The following TECTA variants were observed in gnomAD, a reference collection of about 807,000 sequenced individuals.
TECTA encodes tectorin alpha, also known as alpha-tectorin.
In TECTA, 128 loss-of-function variants were observed where a neutral mutation model predicts 216.8. The observed-to-expected ratio is 0.59, with a 90% CI of 0.51 to 0.68. TECTA has a LOEUF of 0.68. TECTA is among the 30% of genes least tolerant of loss of function. The pLI is 0.00. For missense variants in TECTA, 2,551 were observed against 2,786.2 expected (o/e 0.92, Z 1.90); for synonymous variants, 1,089 against 1,117.1 (o/e 0.97, Z 0.50).
intron 9 of TECTA, 44 bp from the exon 10 acceptor site, chr11:121,129,594 C>A: frequency 6.3e-7 from 1 of 1,592,190 alleles, no homozygotes; most frequent in Non-Finnish European, 8.6e-7. Flanking sequence ...ATGGAAAGTG[C>A]TCTGTGTGTC....
At chr11:121,104,171 C>T (rs1489268854) in intron 2 of TECTA, among the ~76,000 whole-genome samples, 2 of 152,184 alleles carry the variant, frequency 1.3e-5, no homozygotes, top group African/African-American at 4.8e-5. Flanking sequence ...AGGATAAATC[C>T]ATGCCAGGAC....
Position 121,127,891 on chromosome 11 carries a change from C to A in TECTA, c.1914C>A (p.Val638=). 13 of 1,614,112 alleles carry A rather than the reference C, an allele frequency of 8.1e-6. No individual in the cohort carries two copies. In the East Asian group the frequency reaches 2.9e-4, roughly 36 times the overall value. ...GCTGCGAGTGCAACCAGGGCTTCGT[C>A]CTCAGCACCAGCCAGTGCGTCCCTC... ...TEGCECNQGF[V]LSTSQCVPLH... is the part of the protein sequence containing the mutation. The change falls in exon 9 of 24, where the codon GTC becomes GTA. Residue 638 remains valine, a synonymous_variant. Coordinates refer to ENST00000392793, the MANE Select transcript of TECTA (RefSeq NM_005422.4). This position sits in a 1 kb window ranked among gnomAD's most constrained non-coding sequence, Gnocchi z 5.0.
chr11:121,130,373 A>G (rs748827264), intron 10 of TECTA, among the ~76,000 whole-genome samples, 162 bp downstream of exon 10: 7 of 152,130 alleles, frequency 4.6e-5, no homozygotes, highest in Admixed American at 2.6e-4. Context: ...AAGACTCATC[A>G]CCCCAAACCG....
At chr11:121,179,944 T>A (rs1440036412) in intron 20 of TECTA, among the ~76,000 whole-genome samples, 3 of 151,590 alleles carry the variant, frequency 2.0e-5, no homozygotes, top group Non-Finnish European at 2.9e-5. Flanking sequence ...GTAGGCAGCA[T>A]ATATTTGAGT....
At chr11:121,162,005 A>G in intron 15 of TECTA, 70 bp from the exon 16 acceptor site, 1 of 1,603,942 alleles carries the variant, frequency 6.2e-7, no homozygotes, top group East Asian at 2.2e-5. Context: ...GTAGCAAAAC[A>G]GGTACAGATG....
At chr11:121,129,570 C>T (rs1946649795) in intron 9 of TECTA, 68 bp from the exon 10 acceptor site, 2 of 1,539,070 alleles carry the variant, frequency 1.3e-6, no homozygotes, top group African/African-American at 1.4e-5. Flanking sequence ...TGTCTTTATC[C>T]CACAGCCTAG....
intron 18 of TECTA, 107 bp from the exon 19 acceptor site, chr11:121,167,947 A>G: frequency 7.6e-7 from 1 of 1,309,288 alleles, no homozygotes; most frequent in Non-Finnish European, 1.1e-6. Context: ...CCTCTAAATT[A>G]TGTATGGAAG....
At chr11:121,189,043 T>C (rs1054233968) in intron 21 of TECTA, 37 bp from the exon 22 acceptor site, 1 of 1,603,034 alleles carries the variant, frequency 6.2e-7, no homozygotes, top group Non-Finnish European at 8.5e-7. Flanking sequence ...ATCAGCTTAA[T>C]TGTGTGAAAA....
At chr11:121,135,733 G>A (rs1946719643) in intron 10 of TECTA, among the ~76,000 whole-genome samples, 1 of 152,152 alleles carries the variant, frequency 6.6e-6, no homozygotes, top group African/African-American at 2.4e-5. Flanking sequence ...AAGGAGTGAT[G>A]GTATGTATAC....
At chr11:121,116,453 G>C (rs1946502796) in intron 6 of TECTA, among the ~76,000 whole-genome samples, 1 of 152,228 alleles carries the variant, frequency 6.6e-6, no homozygotes, top group South Asian at 2.1e-4. Context: ...GAAATGCTGT[G>C]ATAACGGAAA....
In TECTA at chr11:121,142,773, C is replaced by T. The variant is rs115608942; in HGVS notation, c.3544-2782C>T. Among the ~76,000 whole-genome samples the T allele has an allele frequency of 9.4e-3, 1,437 of 152,274 alleles. 27 individuals are homozygous for T. The highest frequency in any genetic ancestry group is 0.032 in the African/African-American group (1,316 of 41,558). On this transcript the variant is annotated intron_variant, in intron 11 of 23. Coordinates refer to ENST00000392793, the MANE Select transcript of TECTA (RefSeq NM_005422.4). ...TGACTGTCACTGCACCTCTCCACCTCCTCCCTTCCAGGTGCCGAGAGTGAG... is the reference window on the plus strand; with the variant it reads ...TGACTGTCACTGCACCTCTCCACCTTCTCCCTTCCAGGTGCCGAGAGTGAG...
chr11:121,112,078 T>C (rs1257575029), intron 4 of TECTA, among the ~76,000 whole-genome samples: 1 of 152,192 alleles, frequency 6.6e-6, no homozygotes, highest in African/African-American at 2.4e-5. Flanking sequence ...TAGGTTTGAA[T>C]AGAAAAAGGT....
At chr11:121,156,417 C>T (rs1442879171) in intron 13 of TECTA, among the ~76,000 whole-genome samples, 3 of 152,082 alleles carry the variant, frequency 2.0e-5, no homozygotes, top group Non-Finnish European at 2.9e-5. Context: ...GATCTAGGCT[C>T]ACGGCAACCT....
chr11:121,129,744 T>C lies in TECTA; in HGVS notation c.2474T>C (p.Val825Ala). Residue 825 changes from valine (V) to alanine (A), a missense_variant, in exon 10 of 24, where the codon GTC becomes GCC. Physicochemically the swap from Val to Ala is moderately conservative, Grantham distance 64. Coordinates refer to ENST00000392793, the MANE Select transcript of TECTA (RefSeq NM_005422.4). ...TTVESKGVVT[V>A]QYSDIGLLYI... ...GTGGAGTCCAAGGGCGTGGTGACTGTCCAGTACTCAGACATAGGTCTATTG... is the reference window on the plus strand; with the variant it reads ...GTGGAGTCCAAGGGCGTGGTGACTGCCCAGTACTCAGACATAGGTCTATTG... The C allele has an allele frequency of 1.9e-6, 3 of 1,614,200 alleles. No homozygotes were observed. Among genetic ancestry groups the C allele is most frequent in the Non-Finnish European group, 2.5e-6 (3 of 1,180,024 alleles).
chr11:121,185,058 G>A (rs1226078477), intron 20 of TECTA, among the ~76,000 whole-genome samples: 1 of 152,234 alleles, frequency 6.6e-6, no homozygotes, highest in East Asian at 1.9e-4. Flanking sequence ...TTTTAAAAAT[G>A]GTATTTAATA....
Position 121,137,934 on chromosome 11 carries a change from C to T in TECTA, c.3455C>T (p.Pro1152Leu), listed in dbSNP as rs760105049. The change falls in exon 11 of 24, where the codon CCG (proline) becomes CTG (leucine). Residue 1152 changes from proline to leucine, a missense_variant. Physicochemically the swap from Pro to Leu is moderately conservative, Grantham distance 98 (BLOSUM62 -3). Around this residue, in one of 3 missense-constraint regions of TECTA, gnomAD observed 2,375 missense variants for 2,563.9 expected, o/e 0.93. Coordinates refer to ENST00000392793, the MANE Select transcript of TECTA (RefSeq NM_005422.4). ...ACAGCCAAGAATGAGGACCGGGACC[C>T]GTCACTGGCCTTGTGGGTTAAGCAG... The part of the protein sequence containing the change: ...VVTAKNEDRD[P>L]SLALWVKQVD... 76 of 1,608,630 alleles carry T rather than the reference C, an allele frequency of 4.7e-5. No homozygotes were observed. The highest frequency in any genetic ancestry group is 6.2e-5 in the Non-Finnish European group (73 of 1,175,658).
In TECTA at chr11:121,118,665, G is replaced by A. The variant is rs1946525238; in HGVS notation, c.1150G>A (p.Glu384Lys). The A allele has an allele frequency of 1.9e-6, 3 of 1,613,994 alleles. No individual in the cohort carries two copies. The highest frequency in any genetic ancestry group is 2.5e-6 in the Non-Finnish European group (3 of 1,180,046). ...CTCCTGGGTGAAGGAGCTCTCAGTG[G>A]AGGTGAATGGCTACAAGATTCTCAT... ...AVSWVKELSVEVNGYKILIPK... is the reference protein window; with the variant it reads ...AVSWVKELSVKVNGYKILIPK... The change falls in exon 7 of 24, where the codon GAG becomes AAG. Residue 384 changes from glutamate to lysine, a missense_variant. Glu to Lys is a moderately conservative substitution (Grantham distance 56). Coordinates refer to ENST00000392793, the MANE Select transcript of TECTA (RefSeq NM_005422.4).
chr11:121,126,198 G>A (rs1030533002), intron 8 of TECTA, among the ~76,000 whole-genome samples: 1 of 152,180 alleles, frequency 6.6e-6, no homozygotes, highest in Non-Finnish European at 1.5e-5. Context: ...GGCTACTTTT[G>A]TGGCTGTTGA....
Position 121,145,688 on chromosome 11 carries a change from C to T in TECTA, c.3677C>T (p.Ser1226Phe), listed in dbSNP as rs2135106170. The change falls in exon 12 of 24, where the codon TCC (serine) becomes TTC (phenylalanine). Residue 1226 changes from serine to phenylalanine, a missense_variant. By Grantham distance (155) the Ser-to-Phe change is radical. Around this residue, in one of 3 missense-constraint regions of TECTA, gnomAD observed 2,375 missense variants for 2,563.9 expected, o/e 0.93. Transcript: ENST00000392793. ...KVVYDWKTFLSITVPRSMQNS... is the reference protein window; with the variant it reads ...KVVYDWKTFLFITVPRSMQNS... ...GTATATGACTGGAAGACCTTCCTGT[C>T]CATCACAGTCCCTCGGAGCATGCAG... 1.2e-6 allele frequency: 2 copies of T among 1,614,238 alleles called. No homozygotes were observed. The highest frequency in any genetic ancestry group is 1.7e-6 in the Non-Finnish European group (2 of 1,180,038).
Sources: gnomAD v4.1 joint callset for allele counts (sites outside exome capture counted in the v4.1 genomes callset) on GRCh38, gnomAD v4.1.1 for gene constraint, gnomAD v4.1.1 regional missense constraint, Gnocchi (gnomAD v3.1) non-coding constraint, MANE v1.5 for transcripts, NCBI Gene and HGNC (gene_info 2026-07-23, HGNC 2026-07-21) for gene names.